Variants in UTRN observed in about 807,000 individuals in gnomAD.
The protein encoded by UTRN is utrophin, also known as dystrophin-related protein 1.
UTRN carries 283 observed loss-of-function variants against 463.9 expected under a neutral mutation model. The observed-to-expected ratio is 0.61, with a 90% CI of 0.55 to 0.67. UTRN has a LOEUF of 0.67. UTRN is among the 30% of genes least tolerant of loss of function. UTRN has a pLI of 0.00. For synonymous variants in UTRN, 1,442 were observed against 1,431.5 expected (o/e 1.01, Z -0.17); for missense variants, 3,922 against 4,084.3 (o/e 0.96, Z 1.08).
chr6:144,713,944 G>A (rs1471734223), intron 53 of UTRN, among the ~76,000 whole-genome samples: 1 of 148,468 alleles, frequency 6.7e-6, no homozygotes, highest in African/African-American at 2.5e-5. Flanking sequence ...AAAAAGTACA[G>A]GGAAGGATAC....
chr6:144,406,821 G>A (rs997120805), intron 3 of UTRN, among the ~76,000 whole-genome samples: 4 of 152,150 alleles, frequency 2.6e-5, no homozygotes, highest in African/African-American at 4.8e-5. Context: ...GGTATATAGT[G>A]TGATGTTTTG....
chr6:144,513,783 A>G, intron 35 of UTRN, 126 bp from the exon 36 acceptor site: 1 of 1,010,074 alleles, frequency 9.9e-7, no homozygotes, highest in Non-Finnish European at 1.4e-6. Context: ...GCTCTGCAGG[A>G]AGGTGAAAGC....
intron 74 of UTRN, among the ~76,000 whole-genome samples, chr6:144,850,097 G>A (rs1782359128): frequency 6.6e-6 from 1 of 152,154 alleles, no homozygotes; most frequent in African/African-American, 2.4e-5. Flanking sequence ...CTCTAACATG[G>A]CAATCAAATG....
intron 46 of UTRN, among the ~76,000 whole-genome samples, chr6:144,544,498 A>G (rs918663593): frequency 6.6e-6 from 1 of 152,062 alleles, no homozygotes; most frequent in African/African-American, 2.4e-5. Flanking sequence ...TTTCATATAA[A>G]TGGAGTCATA....
At chr6:144,388,769 T>C (rs1781640581) in intron 2 of UTRN, among the ~76,000 whole-genome samples, 1 of 152,164 alleles carries the variant, frequency 6.6e-6, no homozygotes. Context: ...CCCAAAGTGC[T>C]GGGATTACAT....
chr6:144,300,579 A>G lies in UTRN; in HGVS notation c.79+8672A>G, dbSNP rs144897590. Among the ~76,000 whole-genome samples, 274 of 152,328 alleles carry G rather than the reference A, an allele frequency of 1.8e-3. 3 individuals carry two copies. Among genetic ancestry groups the G allele is most frequent in the East Asian group, 9.5e-3 (49 of 5,184 alleles). On this transcript the variant is annotated intron_variant, in intron 2 of 74. Transcript: ENST00000367545. Reference sequence around the variant, plus strand: ...TCTTCTTTGATAAAATAACCTTCAGAGTGACTTGAGATACGGAATTGCTTC... The same window carrying G: ...TCTTCTTTGATAAAATAACCTTCAGGGTGACTTGAGATACGGAATTGCTTC...
chr6:144,650,648 C>T (rs191260225), intron 51 of UTRN, among the ~76,000 whole-genome samples: 11 of 152,300 alleles, frequency 7.2e-5, no homozygotes, highest in African/African-American at 1.4e-4. Flanking sequence ...CCGTGGCTCA[C>T]GCCTGTAACC....
intron 39 of UTRN, 137 bp downstream of exon 39, chr6:144,517,085 T>C: frequency 1.4e-6 from 1 of 719,502 alleles, no homozygotes; most frequent in South Asian, 5.6e-5. Context: ...TGTGTGTTAC[T>C]AGATGTGTTC....
chr6:144,534,438 C>G (rs1188200151), intron 43 of UTRN, among the ~76,000 whole-genome samples: 1 of 152,174 alleles, frequency 6.6e-6, no homozygotes, highest in Admixed American at 6.5e-5. Flanking sequence ...GGAAAGAGCA[C>G]AGAACTCTCT....
chr6:144,529,102 A>T (rs533544251), intron 41 of UTRN, among the ~76,000 whole-genome samples: 2 of 152,016 alleles, frequency 1.3e-5, no homozygotes, highest in African/African-American at 4.8e-5. Context: ...TGCAGGCCTC[A>T]CTCAGTTTCC....
chr6:144,438,914 T>TA lies in UTRN; in HGVS notation c.1392+19_1392+20insA. The TA allele has an allele frequency of 6.2e-7, 1 of 1,612,746 alleles. No individual in the cohort carries two copies. Among genetic ancestry groups the TA allele is most frequent in the Non-Finnish European group, 8.5e-7 (1 of 1,179,020 alleles). On this transcript the variant is annotated intron_variant, in intron 12 of 74. Coordinates refer to ENST00000367545, the MANE Select transcript of UTRN (RefSeq NM_007124.3). ...ACATAAAGTAAATCTGTCTCATATTTCTTCGATACCTTATCAAATATGAAA... is the reference window on the plus strand; with the variant it reads ...ACATAAAGTAAATCTGTCTCATATTTACTTCGATACCTTATCAAATATGAAA...
intron 56 of UTRN, 116 bp from the exon 57 acceptor site, chr6:144,754,604 A>G: frequency 1.1e-6 from 1 of 924,324 alleles, no homozygotes; most frequent in Non-Finnish European, 1.6e-6. Context: ...GTCTATATAA[A>G]CAATCATATC....
chr6:144,590,548 A>T (rs12194347), intron 51 of UTRN, among the ~76,000 whole-genome samples: 9 of 152,220 alleles, frequency 5.9e-5, no homozygotes, highest in South Asian at 2.1e-4. Flanking sequence ...ATATATTTTT[A>T]AAAAATTTAA....
intron 53 of UTRN, among the ~76,000 whole-genome samples, chr6:144,701,776 AATG>A (rs1346489701): frequency 1.3e-5 from 2 of 152,198 alleles, no homozygotes; most frequent in South Asian, 2.1e-4. Flanking sequence ...TTTAATACAA[AATG>A]ATAAGACCCT....
chr6:144,788,805 C>T lies in UTRN; in HGVS notation c.8835-389C>T, dbSNP rs560860645. 2.0e-5 allele frequency among the ~76,000 whole-genome samples: 3 copies of T among 152,242 alleles called. No individual in the cohort carries two copies. The South Asian group carries it at 6.2e-4, about 32-fold the overall frequency. On this transcript the variant is annotated intron_variant, in intron 61 of 74. Coordinates refer to ENST00000367545, the MANE Select transcript of UTRN (RefSeq NM_007124.3). Reference sequence around the variant, plus strand: ...CTCGAACTCCTGACCTCAGGTGATCCGCCTGCCTTGGCCTCCCAAAGTGCT... The same window carrying T: ...CTCGAACTCCTGACCTCAGGTGATCTGCCTGCCTTGGCCTCCCAAAGTGCT...
At chr6:144,824,568 TTATTTATATATATATATATATATATATA>T (rs1779925926) in intron 66 of UTRN, among the ~76,000 whole-genome samples, 1 of 69,044 alleles carries the variant, frequency 1.4e-5, no homozygotes, top group African/African-American at 5.1e-5. Flanking sequence ...ATATAGCATT[TTATTTATATATATATATATATATATATA>T]TATATATATA....
intron 54 of UTRN, among the ~76,000 whole-genome samples, chr6:144,741,349 G>T (rs976655414): frequency 1.3e-5 from 2 of 152,144 alleles, no homozygotes; most frequent in African/African-American, 2.4e-5. Context: ...AAAAGACTTT[G>T]AATCTAAAAC....
chr6:144,628,290 C>G (rs986537552), intron 51 of UTRN, among the ~76,000 whole-genome samples: 2 of 152,154 alleles, frequency 1.3e-5, no homozygotes, highest in East Asian at 1.9e-4. Flanking sequence ...ACGTTTTAAT[C>G]AGATATTTTA....
intron 64 of UTRN, 53 bp downstream of exon 64, chr6:144,798,043 T>C: frequency 6.2e-7 from 1 of 1,610,172 alleles, no homozygotes; most frequent in Non-Finnish European, 8.5e-7. Flanking sequence ...TTGTGTAATC[T>C]CAGTGGTACG....
Sources: gnomAD v4.1 joint callset for allele counts (sites outside exome capture counted in the v4.1 genomes callset) on GRCh38, gnomAD v4.1.1 for gene constraint, MANE v1.5 for transcripts, NCBI Gene and HGNC (gene_info 2026-07-23, HGNC 2026-07-21) for gene names.